The following PARD3B variants were observed in gnomAD, a reference collection of about 807,000 sequenced individuals.
PARD3B encodes partitioning defective 3 homolog B.
PARD3B carries 103 observed loss-of-function variants against 130.2 expected under a neutral mutation model. The observed-to-expected ratio is 0.79, with a 90% confidence interval of 0.67 to 0.93. The LOEUF is 0.93. Ranked by LOEUF, PARD3B falls within the 40% of genes least tolerant of loss-of-function variation. PARD3B has a pLI of 0.00. For missense variants in PARD3B, 1,609 were observed against 1,499.2 expected (o/e 1.07, Z -1.21); for synonymous variants, 583 against 553.2 (o/e 1.05, Z -0.76).
intron 10 of PARD3B, among the ~76,000 whole-genome samples, chr2:205,153,777 C>G (rs1284795555): frequency 6.6e-6 from 1 of 152,106 alleles, no homozygotes; most frequent in Admixed American, 6.6e-5. Flanking sequence ...ACAAACCTGA[C>G]AAAAACAAGA....
At chr2:204,638,878 C>A (rs918119873) in intron 1 of PARD3B, among the ~76,000 whole-genome samples, 1 of 152,226 alleles carries the variant, frequency 6.6e-6, no homozygotes, top group Non-Finnish European at 1.5e-5. Context: ...AGGACCTATT[C>A]TGCCTTTGTT....
At chr2:204,620,699 A>G (rs1046961705) in intron 1 of PARD3B, among the ~76,000 whole-genome samples, 1 of 152,210 alleles carries the variant, frequency 6.6e-6, no homozygotes, top group Non-Finnish European at 1.5e-5. Context: ...CACTAACTGT[A>G]TACGTAGTCC....
chr2:205,034,710 G>A, intron 3 of PARD3B, among the ~76,000 whole-genome samples: 1 of 152,160 alleles, frequency 6.6e-6, no homozygotes, highest in South Asian at 2.1e-4. Context: ...GAATTATTTA[G>A]CATGAAAAAT....
rs189069474 is a variant in PARD3B, at chr2:205,487,785, A to G, written c.3045-12111A>G. On this transcript the variant is annotated intron_variant, in intron 20 of 22. Coordinates refer to ENST00000406610, the MANE Select transcript of PARD3B (RefSeq NM_001302769.2). ...TTTAATCCCCATATAAATGTCAGAT[A>G]TGTATTCTTAAAACTCAACTGTGTT... Among the ~76,000 whole-genome samples, 10 of 152,360 alleles carry G rather than the reference A, an allele frequency of 6.6e-5. No individual in the cohort carries two copies. The East Asian group carries it at 1.7e-3, about 26-fold the overall frequency.
chr2:204,725,821 G>T (rs1289747303), intron 2 of PARD3B, among the ~76,000 whole-genome samples: 1 of 152,182 alleles, frequency 6.6e-6, no homozygotes, highest in Non-Finnish European at 1.5e-5. Flanking sequence ...ACTTATGGGA[G>T]GTAACAGTAA....
chr2:204,809,506 A>G (rs1045116834), intron 2 of PARD3B, among the ~76,000 whole-genome samples: 1 of 151,394 alleles, frequency 6.6e-6, no homozygotes, highest in African/African-American at 2.4e-5. Context: ...TTAGCCAGTT[A>G]TCTCAGCACC....
Position 204,967,268 on chromosome 2 carries a change from C to G in PARD3B, c.394+1945C>G, listed in dbSNP as rs116637804. 2.0e-5 allele frequency among the ~76,000 whole-genome samples: 3 copies of G among 152,158 alleles called. No homozygotes were observed. The highest frequency in any genetic ancestry group is 4.4e-5 in the Non-Finnish European group (3 of 68,046). On this transcript the variant is annotated intron_variant, in intron 3 of 22. Transcript: ENST00000406610. The surrounding 1 kb of genome is among the most constrained non-coding windows in gnomAD (Gnocchi z 4.4). Reference sequence around the variant, plus strand: ...ACCTTGGCATCACCTCCAGTTCCACCGTTTCCTTCTACCTCCCCCACTCTG... The same window carrying G: ...ACCTTGGCATCACCTCCAGTTCCACGGTTTCCTTCTACCTCCCCCACTCTG...
At chr2:205,311,540 T>C (rs1484810894) in intron 18 of PARD3B, among the ~76,000 whole-genome samples, 1 of 152,174 alleles carries the variant, frequency 6.6e-6, no homozygotes, top group Non-Finnish European at 1.5e-5. Flanking sequence ...GACCGTCAAA[T>C]ATTACCTTTG....
At chr2:204,802,959 GC>G (rs2042625177) in intron 2 of PARD3B, among the ~76,000 whole-genome samples, 1 of 150,876 alleles carries the variant, frequency 6.6e-6, no homozygotes, top group Admixed American at 6.6e-5. Context: ...TGCACGTTCT[GC>G]ACATGCATCC....
Position 205,616,025 on chromosome 2 carries a change from A to G in PARD3B, c.*212A>G, listed in dbSNP as rs2105808385. ...AAAAAAATCAGAAGGAAGACGAAAG[A>G]TGGGGCTATAAAAACAAAACTACCT... On this transcript the variant is annotated 3_prime_UTR_variant, in exon 23 of 23. Transcript: ENST00000406610. 1.8e-6 allele frequency: 1 copy of G among 551,672 alleles called. No homozygotes were observed. The highest frequency in any genetic ancestry group is 3.5e-5 in the Admixed American group (1 of 28,398). The allele number at this position is 551,672 out of a possible 1,614,324, so 34.2% of individuals were successfully genotyped here.
chr2:205,526,323 ATCTGTAGT>A (rs2051335692), intron 21 of PARD3B, among the ~76,000 whole-genome samples: 1 of 152,224 alleles, frequency 6.6e-6, no homozygotes, highest in South Asian at 2.1e-4. Context: ...CTCCCCTGAT[ATCTGTAGT>A]GACAGAACCT....
chr2:205,581,105 A>G (rs2053947349), intron 22 of PARD3B, among the ~76,000 whole-genome samples: 1 of 151,950 alleles, frequency 6.6e-6, no homozygotes, highest in Non-Finnish European at 1.5e-5. Flanking sequence ...AAGAAAGGGA[A>G]TTGGTATATC....
At chr2:205,565,014 C>T (rs768606837) in intron 22 of PARD3B, among the ~76,000 whole-genome samples, 19 of 152,268 alleles carry the variant, frequency 1.2e-4, no homozygotes, top group Non-Finnish European at 2.2e-4. Flanking sequence ...AATTCTCACG[C>T]GCCATTCTCC....
At chr2:204,638,076 A>G (rs1232609308) in intron 1 of PARD3B, among the ~76,000 whole-genome samples, 1 of 152,172 alleles carries the variant, frequency 6.6e-6, no homozygotes, top group African/African-American at 2.4e-5. Flanking sequence ...GGTTTTAAAA[A>G]CAATGATATT....
chr2:205,353,008 A>G (rs1192492864), intron 18 of PARD3B, among the ~76,000 whole-genome samples: 1 of 152,190 alleles, frequency 6.6e-6, no homozygotes, highest in Non-Finnish European at 1.5e-5. Context: ...CTTACCCTCA[A>G]AGCAATAGGT....
intron 18 of PARD3B, among the ~76,000 whole-genome samples, chr2:205,360,916 T>A (rs1185656761): frequency 6.6e-6 from 1 of 152,058 alleles, no homozygotes; most frequent in African/African-American, 2.4e-5. Flanking sequence ...GTGTCTTTAT[T>A]TTTTTTTCTT....
rs1028149388 is a variant in PARD3B, at chr2:204,606,387, T to G, written c.120+60268T>G. ...CATGCTTTTGTCCATGGTGAGTCAA[T>G]AAGGGGATCTGTTGACTGTATCAGT... is the stretch of plus-strand genomic sequence containing the variant. On this transcript the variant is annotated intron_variant, in intron 1 of 22. Transcript: ENST00000406610. The surrounding 1 kb of genome is among the most constrained non-coding windows in gnomAD (Gnocchi z 4.0). Among the ~76,000 whole-genome samples the G allele has an allele frequency of 6.6e-6, 1 of 152,154 alleles. No homozygotes were observed. Among genetic ancestry groups the G allele is most frequent in the Non-Finnish European group, 1.5e-5 (1 of 68,032 alleles).
chr2:204,934,200 G>A (rs567612542), intron 2 of PARD3B, among the ~76,000 whole-genome samples: 3 of 152,274 alleles, frequency 2.0e-5, no homozygotes, highest in African/African-American at 7.2e-5. Flanking sequence ...TTCCATCACT[G>A]TCATGCTGTT....
chr2:205,239,257 A>G (rs2039243359), intron 15 of PARD3B, among the ~76,000 whole-genome samples: 1 of 152,074 alleles, frequency 6.6e-6, no homozygotes, highest in East Asian at 1.9e-4. Context: ...AAGGTGTTCT[A>G]GGTGCTAAAA....
Sources: allele counts gnomAD v4.1 joint callset (sites outside exome capture counted in the v4.1 genomes callset), GRCh38; gene constraint gnomAD v4.1.1; non-coding constraint Gnocchi (gnomAD v3.1); transcripts MANE v1.5; gene names NCBI Gene and HGNC (gene_info 2026-07-23, HGNC 2026-07-21).